RBFOX1: variants seen among roughly 807,000 people sequenced by gnomAD.
RBFOX1 encodes RNA binding fox-1 homolog 1, also known as RNA binding protein fox-1 homolog 1.
Under a neutral mutation model 57.7 loss-of-function variants are expected in RBFOX1, and 8 were observed. The ratio of observed to expected loss-of-function variants is 0.14; its 90% CI spans 0.08 to 0.25. The LOEUF (loss-of-function observed/expected upper bound fraction) is 0.25. Among genes scored for constraint, RBFOX1 ranks in the 10% least tolerant of loss-of-function variants. The pLI, the probability that RBFOX1 is intolerant of heterozygous loss-of-function variation, is 1.00. For missense variants in RBFOX1, 611 were observed against 548.5 expected, an observed-to-expected ratio of 1.11 and a Z score of -1.14; for synonymous variants, 326 against 222.4, an observed-to-expected ratio of 1.47 and a Z score of -4.15.
At chr16:5,534,586 C>T (rs756735425) in intron 2 of RBFOX1, among the ~76,000 whole-genome samples, 25 of 152,186 alleles carry the variant, frequency 1.6e-4, no homozygotes, top group Non-Finnish European at 2.6e-4. Flanking sequence ...GAAAGCCACA[C>T]GACTCAGCAA....
At position 7,441,345 on chromosome 16, in the gene RBFOX1, A is replaced by G. The variant is rs375184640; in HGVS notation, c.28-76802A>G. Reference sequence around the variant, plus strand: ...GAGATGGTGAAATGCCTTGGAAACTAAAAACCCTACCTAATAAAGTTTATT... The same window carrying G: ...GAGATGGTGAAATGCCTTGGAAACTGAAAACCCTACCTAATAAAGTTTATT... On this transcript the variant is annotated intron_variant, in intron 4 of 15. Coordinates refer to ENST00000550418, the MANE Select transcript of RBFOX1 (RefSeq NM_018723.4). 1.6e-4 allele frequency among the ~76,000 whole-genome samples: 24 copies of G among 152,204 alleles called. No individual in the cohort carries two copies. The East Asian group carries it at 3.5e-3, about 22-fold the overall frequency.
At chr16:6,592,554 A>G (rs768283895) in intron 2 of RBFOX1, among the ~76,000 whole-genome samples, 1 of 152,214 alleles carries the variant, frequency 6.6e-6, no homozygotes, top group Non-Finnish European at 1.5e-5. Context: ...TTGGAGTCAG[A>G]TTACAGGAGT....
intron 4 of RBFOX1, among the ~76,000 whole-genome samples, chr16:5,984,976 A>AT (rs869160414): frequency 9.0e-4 from 50 of 55,686 alleles, no homozygotes; most frequent in East Asian, 2.5e-3. Context: ...ATATATATAT[A>AT]TTTTTTTTTT....
At chr16:6,672,786 G>A (rs1269218493) in intron 3 of RBFOX1, among the ~76,000 whole-genome samples, 1 of 152,110 alleles carries the variant, frequency 6.6e-6, no homozygotes, top group Admixed American at 6.5e-5. Flanking sequence ...TCACAGTTCT[G>A]GTAGAAAGAT....
In RBFOX1 at chr16:7,560,341, G is replaced by C. The variant is rs554773429; in HGVS notation, c.271-19436G>C. ...TGCCTGCAAGGCCACCAAATTTCAT[G>C]TCTTCAGTTTATTCAGCTGCAAAAA... On this transcript the variant is annotated intron_variant, in intron 5 of 15. Coordinates refer to ENST00000550418, the MANE Select transcript of RBFOX1 (RefSeq NM_018723.4). Among the ~76,000 whole-genome samples the C allele has an allele frequency of 1.8e-4, 28 of 152,252 alleles. 1 individual carries two copies. In the South Asian group the frequency reaches 4.4e-3, roughly 24 times the overall value.
intron 1 of RBFOX1, among the ~76,000 whole-genome samples, chr16:6,051,986 T>A (rs1056167576): frequency 6.6e-6 from 1 of 152,154 alleles, no homozygotes; most frequent in African/African-American, 2.4e-5. Context: ...TGACGCCTAA[T>A]AAAATGGACT....
Position 6,779,781 on chromosome 16 carries a change from ATATT to A in RBFOX1, c.-16+125133_-16+125136del, listed in dbSNP as rs1219286107. Among the ~76,000 whole-genome samples, 139 of 16,172 alleles carry A rather than the reference ATATT, an allele frequency of 8.6e-3. 43 individuals are homozygous for A. Among genetic ancestry groups the A allele is most frequent in the African/African-American group, 0.062 (110 of 1,778 alleles). 10.6% of individuals were successfully genotyped at this position (16,172 alleles called of 152,430 possible). ...TATATATTTATATATATATTTATAT[ATATT>A]TTTATATATACTTTTATATATTTAT... On this transcript the variant is annotated intron_variant, in intron 3 of 15. Transcript: ENST00000550418.
At chr16:6,435,835 G>A (rs1306687302) in intron 2 of RBFOX1, among the ~76,000 whole-genome samples, 1 of 152,070 alleles carries the variant, frequency 6.6e-6, no homozygotes, top group Admixed American at 6.6e-5. Flanking sequence ...AACAGTAGAT[G>A]GACTTATCTC....
intron 3 of RBFOX1, among the ~76,000 whole-genome samples, chr16:6,805,116 C>G (rs7498120): frequency 0.17 from 25,470 of 152,080 alleles, 2,776 homozygotes; most frequent in East Asian, 0.35. Context: ...GCATTACTCA[C>G]AATAGCAAAG....
At chr16:7,308,356 T>A (rs2096241467) in intron 4 of RBFOX1, among the ~76,000 whole-genome samples, 1 of 150,338 alleles carries the variant, frequency 6.7e-6, no homozygotes, top group Non-Finnish European at 1.5e-5. Context: ...CATATTAACT[T>A]AATTTTCTCT....
At chr16:5,419,182 C>G (rs540754627) in intron 1 of RBFOX1, among the ~76,000 whole-genome samples, 1 of 152,208 alleles carries the variant, frequency 6.6e-6, no homozygotes, top group East Asian at 1.9e-4. Context: ...CAGAACTAAT[C>G]AGATAGATGT....
intron 3 of RBFOX1, among the ~76,000 whole-genome samples, chr16:6,956,492 A>T (rs1475433460): frequency 6.6e-6 from 1 of 152,094 alleles, no homozygotes; most frequent in Non-Finnish European, 1.5e-5. Flanking sequence ...GGTATTGAAG[A>T]TTTTAATTTC....
intron 3 of RBFOX1, among the ~76,000 whole-genome samples, chr16:7,018,787 T>TAAAAAAA (rs141781801): frequency 2.7e-5 from 4 of 146,454 alleles, no homozygotes; most frequent in Non-Finnish European, 6.0e-5. Context: ...CTTAAAGTAT[T>TAAAAAAA]AAAAAAAAAA....
intron 3 of RBFOX1, among the ~76,000 whole-genome samples, chr16:5,622,427 A>G (rs2048226096): frequency 6.6e-6 from 1 of 152,238 alleles, no homozygotes; most frequent in Admixed American, 6.5e-5. Context: ...CTGGCGTAGT[A>G]AGCCCTTGGT....
At chr16:6,993,572 A>C (rs969679288) in intron 3 of RBFOX1, among the ~76,000 whole-genome samples, 9 of 152,286 alleles carry the variant, frequency 5.9e-5, no homozygotes, top group African/African-American at 2.2e-4. Flanking sequence ...ATAGGGAGGC[A>C]AGAGTGGTGC....
At chr16:7,368,635 C>G (rs912376146) in intron 4 of RBFOX1, among the ~76,000 whole-genome samples, 1 of 151,548 alleles carries the variant, frequency 6.6e-6, no homozygotes, top group African/African-American at 2.4e-5. Context: ...AAAAAATTAG[C>G]CAGGCGTGGT....
chr16:5,961,487 C>A (rs917534), intron 4 of RBFOX1, among the ~76,000 whole-genome samples: 27,126 of 97,424 alleles, frequency 0.28, 2,568 homozygotes, highest in Middle Eastern at 0.46. Flanking sequence ...TTAAAAAAAA[C>A]AAAACAAAAC....
intron 2 of RBFOX1, among the ~76,000 whole-genome samples, chr16:5,588,595 A>T (rs1174440347): frequency 1.3e-5 from 2 of 152,126 alleles, no homozygotes; most frequent in Admixed American, 6.5e-5. Flanking sequence ...TGACCGAGTT[A>T]CGTATTTAAG....
intron 1 of RBFOX1, among the ~76,000 whole-genome samples, chr16:5,332,875 A>G (rs972154199): frequency 1.3e-5 from 2 of 152,138 alleles, no homozygotes; most frequent in African/African-American, 2.4e-5. Flanking sequence ...GGTAGGAACA[A>G]GTTATCTTTC....
Sources: allele counts gnomAD v4.1 joint callset (sites outside exome capture counted in the v4.1 genomes callset), GRCh38; gene constraint gnomAD v4.1.1; transcripts MANE v1.5; gene names NCBI Gene and HGNC (gene_info 2026-07-23, HGNC 2026-07-21).